The following DYM variants were observed in gnomAD, a reference collection of about 807,000 sequenced individuals.
DYM encodes dymeclin, also known as dyggve-Melchior-Clausen syndrome protein.
A neutral mutation model predicts 93.1 loss-of-function variants in DYM; 78 were observed. That is an observed-to-expected ratio of 0.84 (90% CI 0.70 to 1.01). DYM has a LOEUF of 1.01. DYM is among the 50% of genes least tolerant of loss of function. DYM has a pLI of 0.00. For synonymous variants in DYM, 321 were observed against 319.7 expected, an observed-to-expected ratio of 1.00 and a Z score of -0.04; for missense variants, 789 against 845.0, an observed-to-expected ratio of 0.93 and a Z score of 0.82.
intron 14 of DYM, among the ~76,000 whole-genome samples, chr18:49,200,729 C>T (rs1031727882): frequency 6.6e-6 from 1 of 151,890 alleles, no homozygotes; most frequent in African/African-American, 2.4e-5. Flanking sequence ...ATCTTCATTA[C>T]TAAATTTTTT....
chr18:49,401,619 T>TTCTC (rs149946731), intron 2 of DYM, among the ~76,000 whole-genome samples: 2 of 149,918 alleles, frequency 1.3e-5, no homozygotes, highest in African/African-American at 2.4e-5. Context: ...CAATCAACCT[T>TTCTC]TCTCTCTCTC....
At chr18:49,189,639 C>G (rs947637638) in intron 14 of DYM, among the ~76,000 whole-genome samples, 5 of 152,156 alleles carry the variant, frequency 3.3e-5, no homozygotes, top group Non-Finnish European at 7.4e-5. Context: ...GTAACCAGTG[C>G]CTCTTAGTTT....
chr18:49,187,365 G>A (rs1041991938), intron 14 of DYM, among the ~76,000 whole-genome samples: 2 of 152,162 alleles, frequency 1.3e-5, no homozygotes, highest in Non-Finnish European at 2.9e-5. Flanking sequence ...CACATTGACA[G>A]TAAGGACAGT....
At chr18:49,372,930 T>C (rs1048554243) in intron 5 of DYM, among the ~76,000 whole-genome samples, 2 of 152,056 alleles carry the variant, frequency 1.3e-5, no homozygotes, top group Non-Finnish European at 2.9e-5. Flanking sequence ...AAGTGGCCTA[T>C]GGTTGAAAAA....
intron 11 of DYM, among the ~76,000 whole-genome samples, chr18:49,260,062 C>G (rs545306439): frequency 6.6e-6 from 1 of 152,072 alleles, no homozygotes; most frequent in African/African-American, 2.4e-5. Context: ...GAAGAGACTG[C>G]TATGAAAAGG....
intron 6 of DYM, among the ~76,000 whole-genome samples, chr18:49,342,113 T>G (rs760832856): frequency 1.3e-5 from 2 of 152,210 alleles, no homozygotes; most frequent in Non-Finnish European, 2.9e-5. Flanking sequence ...ATTTGGGTTT[T>G]TGGCAGGACT....
rs1392148875 is a variant in DYM, at chr18:49,083,877, CTCT to C, written c.2025+13522_2025+13524del. On this transcript the variant is annotated intron_variant, in intron 17 of 17. Coordinates refer to ENST00000675505, the MANE Select transcript of DYM (RefSeq NM_001353214.3). ...CATTCTTCACTTTGGTAATCTGTGTCTCTTCTTTTTTTCTTGCTCATTCTAGGT... is the reference window on the plus strand; with the variant it reads ...CATTCTTCACTTTGGTAATCTGTGTCTCTTTTTTTCTTGCTCATTCTAGGT... 2.0e-5 allele frequency among the ~76,000 whole-genome samples: 3 copies of C among 151,952 alleles called. No individual in the cohort carries two copies. In the East Asian group the frequency reaches 5.8e-4, roughly 29 times the overall value.
chr18:49,115,178 A>G (rs1439956508), intron 16 of DYM, among the ~76,000 whole-genome samples: 1 of 152,272 alleles, frequency 6.6e-6, no homozygotes, highest in Non-Finnish European at 1.5e-5. Context: ...GTAAGTGCTT[A>G]GCAAGTATGC....
chr18:49,128,402 G>C (rs1460322340), intron 15 of DYM, among the ~76,000 whole-genome samples: 2 of 152,152 alleles, frequency 1.3e-5, no homozygotes, highest in African/African-American at 4.8e-5. Context: ...ATTAGAAAAA[G>C]AAATCCCTTT....
Position 49,224,772 on chromosome 18 carries a change from A to G in DYM, c.1461-15057T>C, listed in dbSNP as rs563859479. The stretch of plus-strand genomic sequence containing the variant: ...TGGGAAGTAAATGTCTGTTGTTTAT[A>G]AGCTACCCAGTATATGCTATTTTGT... On this transcript the variant is annotated intron_variant, in intron 13 of 17. Coordinates refer to ENST00000675505, the MANE Select transcript of DYM (RefSeq NM_001353214.3). Among the ~76,000 whole-genome samples, 3 of 152,204 alleles carry G rather than the reference A, an allele frequency of 2.0e-5. No homozygotes were observed. The South Asian group carries it at 6.2e-4, about 32-fold the overall frequency.
intron 1 of DYM, among the ~76,000 whole-genome samples, chr18:49,434,593 T>C (rs1436290407): frequency 2.6e-5 from 4 of 152,040 alleles, no homozygotes; most frequent in Non-Finnish European, 2.9e-5. Context: ...GGGAGGGTGG[T>C]AGAGCAGTTT....
chr18:49,071,128 C>T (rs1260624555), intron 17 of DYM, among the ~76,000 whole-genome samples: 6 of 152,168 alleles, frequency 3.9e-5, no homozygotes, highest in African/African-American at 1.4e-4. Context: ...TGCCTACCTG[C>T]TTTTATTTTT....
intron 13 of DYM, among the ~76,000 whole-genome samples, chr18:49,232,250 T>C (rs2093717434): frequency 6.6e-6 from 1 of 152,162 alleles, no homozygotes; most frequent in African/African-American, 2.4e-5. Context: ...CTGTATTAGC[T>C]GGCCATACGG....
At chr18:49,409,865 G>T (rs1419063917) in intron 2 of DYM, among the ~76,000 whole-genome samples, 1 of 152,184 alleles carries the variant, frequency 6.6e-6, no homozygotes, top group Admixed American at 6.5e-5. Flanking sequence ...CTCACAACTG[G>T]GGTCAACAGA....
chr18:49,343,586 T>C (rs76256366), intron 6 of DYM, among the ~76,000 whole-genome samples: 12,199 of 152,242 alleles, frequency 0.08, 774 homozygotes, highest in East Asian at 0.31. Flanking sequence ...CTAGAATTTA[T>C]ATCTTATTCA....
At chr18:49,315,380 A>AGGCAT (rs2146443831) in intron 8 of DYM, among the ~76,000 whole-genome samples, 1 of 152,352 alleles carries the variant, frequency 6.6e-6, no homozygotes, top group East Asian at 1.9e-4. Flanking sequence ...GAGGAAAAAT[A>AGGCAT]GGCATGGCAA....
intron 8 of DYM, among the ~76,000 whole-genome samples, chr18:49,324,717 C>T (rs1343699648): frequency 1.3e-5 from 2 of 152,130 alleles, no homozygotes; most frequent in Non-Finnish European, 2.9e-5. Flanking sequence ...TGATCATTAG[C>T]TGTTGTTCTA....
intron 17 of DYM, among the ~76,000 whole-genome samples, chr18:49,091,631 T>C (rs2079060231): frequency 6.6e-6 from 1 of 152,314 alleles, no homozygotes; most frequent in Admixed American, 6.5e-5. Context: ...TCTAATTCCA[T>C]GGGTCTGGGG....
chr18:49,430,590 A>C, intron 1 of DYM, 143 bp from the exon 2 acceptor site: 1 of 698,536 alleles, frequency 1.4e-6, no homozygotes, highest in Non-Finnish European at 2.3e-6. Context: ...CAAAGTTACA[A>C]GAAATATGGG....
Sources: allele counts gnomAD v4.1 joint callset (sites outside exome capture counted in the v4.1 genomes callset), GRCh38; gene constraint gnomAD v4.1.1; transcripts MANE v1.5; gene names NCBI Gene and HGNC (gene_info 2026-07-23, HGNC 2026-07-21).